IFT81: variants seen among roughly 807,000 people sequenced by gnomAD.
IFT81 encodes the protein intraflagellar transport 81.
A neutral mutation model predicts 102.6 loss-of-function variants in IFT81; 72 were observed. That is an observed-to-expected ratio of 0.70 (90% confidence interval 0.58 to 0.85). The LOEUF is 0.85. Among genes scored for constraint, IFT81 ranks in the 40% least tolerant of loss-of-function variants. IFT81 has a pLI of 0.00. For missense variants in IFT81, 723 were observed against 787.3 expected, an observed-to-expected ratio of 0.92 and a Z score of 0.98; for synonymous variants, 237 against 242.7, an observed-to-expected ratio of 0.98 and a Z score of 0.22.
intron 11 of IFT81, among the ~76,000 whole-genome samples, chr12:110,164,470 A>T (rs7975364): frequency 0.5 from 75,539 of 151,828 alleles, 20,975 homozygotes; most frequent in African/African-American, 0.75. Flanking sequence ...AAATTTTGTA[A>T]CAGCTACTAG....
At position 110,143,543 on chromosome 12, in the gene IFT81, AAAGT is replaced by A; in HGVS notation, c.945+3_945+6del. 6.5e-7 allele frequency: 1 copy of A among 1,541,006 alleles called. No homozygotes were observed. Among genetic ancestry groups the A allele is most frequent in the Non-Finnish European group, 8.7e-7 (1 of 1,155,658 alleles). On this transcript the variant is annotated splice_donor_variant and coding_sequence_variant, in exon 9 of 19. Transcript: ENST00000242591. LOFTEE classifies it high-confidence loss of function. Reference sequence around the variant, plus strand: ...TTCTGATCTTCTTGAACTTGAATCTAAAGTAAGTGAGAATCATCTTTTTATAGCT... The same window carrying A: ...TTCTGATCTTCTTGAACTTGAATCTAAAGTGAGAATCATCTTTTTATAGCT...
intron 11 of IFT81, among the ~76,000 whole-genome samples, chr12:110,170,014 G>A (rs555440058): frequency 6.6e-6 from 1 of 151,588 alleles, no homozygotes; most frequent in South Asian, 2.1e-4. Context: ...GTGCAGTGGT[G>A]CGATCTTGGC....
At chr12:110,207,200 TTTG>T (rs1868754458) in intron 17 of IFT81, among the ~76,000 whole-genome samples, 2 of 152,038 alleles carry the variant, frequency 1.3e-5, no homozygotes, top group South Asian at 4.1e-4. Flanking sequence ...TTGGCTAATT[TTTG>T]TTATTTGTAT....
chr12:110,201,047 A>G (rs576277172), intron 14 of IFT81, among the ~76,000 whole-genome samples: 4 of 152,324 alleles, frequency 2.6e-5, no homozygotes, highest in African/African-American at 9.6e-5. Context: ...AGCACATTGT[A>G]TAGTGGTATG....
At chr12:110,192,590 G>A (rs974101029) in intron 13 of IFT81, 27 bp from the exon 14 acceptor site, 1 of 1,136,742 alleles carries the variant, frequency 8.8e-7, no homozygotes, top group South Asian at 1.5e-5. Context: ...TCTTTTTTAG[G>A]TGTTATATTT....
At chr12:110,199,616 T>C (rs898197343) in intron 14 of IFT81, among the ~76,000 whole-genome samples, 1 of 152,176 alleles carries the variant, frequency 6.6e-6, no homozygotes, top group African/African-American at 2.4e-5. Context: ...GTACGTAGGC[T>C]CTGCAGCCCC....
intron 11 of IFT81, among the ~76,000 whole-genome samples, chr12:110,164,199 A>C (rs1896312134): frequency 6.6e-6 from 1 of 152,186 alleles, no homozygotes; most frequent in African/African-American, 2.4e-5. Flanking sequence ...TAAATTTTGA[A>C]CAATGCTTTA....
intron 1 of IFT81, among the ~76,000 whole-genome samples, chr12:110,125,708 TA>T (rs1160926987): frequency 6.6e-6 from 1 of 152,252 alleles, no homozygotes; most frequent in Admixed American, 6.5e-5. Context: ...ACTCATTGCT[TA>T]ATTCATTTTT....
At chr12:110,191,969 G>A (rs926080012) in intron 13 of IFT81, among the ~76,000 whole-genome samples, 4 of 151,984 alleles carry the variant, frequency 2.6e-5, no homozygotes, top group Non-Finnish European at 4.4e-5. Context: ...TCAGGAGTTC[G>A]AGACCAGCCT....
intron 11 of IFT81, among the ~76,000 whole-genome samples, chr12:110,172,806 C>T (rs1305952687): frequency 2.0e-5 from 3 of 152,120 alleles, no homozygotes; most frequent in African/African-American, 7.2e-5. Flanking sequence ...GCCCGGCCGC[C>T]ACCCCGTCTA....
At chr12:110,203,585 T>C (rs1294691225) in intron 14 of IFT81, 2 of 340,164 alleles carry the variant, frequency 5.9e-6, no homozygotes, top group Non-Finnish European at 1.1e-5. Flanking sequence ...TGTCTGAACA[T>C]TACTTGAGAG....
At chr12:110,130,206 T>C (rs1488779583) in intron 4 of IFT81, among the ~76,000 whole-genome samples, 1 of 152,204 alleles carries the variant, frequency 6.6e-6, no homozygotes, top group Non-Finnish European at 1.5e-5. Flanking sequence ...GTAGATGCCA[T>C]GGGAGAAGCA....
intron 4 of IFT81, among the ~76,000 whole-genome samples, chr12:110,131,812 A>G (rs1894181269): frequency 6.6e-6 from 1 of 152,200 alleles, no homozygotes; most frequent in South Asian, 2.1e-4. Flanking sequence ...ATTGTACATG[A>G]TATCTACTCT....
intron 4 of IFT81, among the ~76,000 whole-genome samples, chr12:110,132,007 A>T (rs991037759): frequency 3.9e-5 from 6 of 152,190 alleles, no homozygotes; most frequent in Non-Finnish European, 8.8e-5. Context: ...AGTGTGAAGC[A>T]GGAAAGTAAC....
At chr12:110,132,751 G>A in intron 5 of IFT81, 115 bp downstream of exon 5, 1 of 543,382 alleles carries the variant, frequency 1.8e-6, no homozygotes. Context: ...GATAGCAAAT[G>A]GCACATTTTA....
chr12:110,176,845 A>G lies in IFT81; in HGVS notation c.1189-3577A>G, dbSNP rs113874995. 7.9e-3 allele frequency among the ~76,000 whole-genome samples: 1,198 copies of G among 152,344 alleles called. 15 individuals are homozygous for G. The highest frequency in any genetic ancestry group is 0.027 in the African/African-American group (1,135 of 41,574). ...ATTTGTAGGTTTGTTCTTTCATCAA[A>G]AACATTTATAGCTTTCAGCTTTTAA... On this transcript the variant is annotated intron_variant, in intron 11 of 18. Transcript: ENST00000242591.
At chr12:110,210,377 A>G (rs918954679) in intron 18 of IFT81, among the ~76,000 whole-genome samples, 2 of 152,230 alleles carry the variant, frequency 1.3e-5, no homozygotes, top group African/African-American at 4.8e-5. Flanking sequence ...TATATTGCAT[A>G]ATGAAGACTA....
chr12:110,203,141 CT>C (rs1898383632), intron 14 of IFT81, among the ~76,000 whole-genome samples: 1 of 152,174 alleles, frequency 6.6e-6, no homozygotes, highest in Non-Finnish European at 1.5e-5. Context: ...TGGCACATGC[CT>C]GTAATCCCAG....
intron 1 of IFT81, 143 bp from the exon 2 acceptor site, chr12:110,127,217 A>G (rs956241851): frequency 1.2e-6 from 1 of 812,160 alleles, no homozygotes; most frequent in Non-Finnish European, 1.8e-6. Flanking sequence ...ATTTCTTTCA[A>G]CAAAATAACC....
Sources: allele counts gnomAD v4.1 joint callset (sites outside exome capture counted in the v4.1 genomes callset), GRCh38; gene constraint gnomAD v4.1.1; transcripts MANE v1.5; gene names NCBI Gene and HGNC (gene_info 2026-07-23, HGNC 2026-07-21).